The following PLEKHO1 variants were observed in gnomAD, a reference collection of about 807,000 sequenced individuals.
PLEKHO1 encodes the protein pleckstrin homology domain-containing family O member 1.
A neutral mutation model predicts 41.4 loss-of-function variants in PLEKHO1; 22 were observed. The ratio of observed to expected loss-of-function variants is 0.53; its 90% CI spans 0.38 to 0.76. The LOEUF (loss-of-function observed/expected upper bound fraction) is 0.76, where lower values mean the gene tolerates loss of function less well. PLEKHO1 is among the 30% of genes least tolerant of loss of function. The pLI, the probability that PLEKHO1 is intolerant of heterozygous loss-of-function variation, is 0.00. For synonymous variants in PLEKHO1, 225 were observed against 210.8 expected (o/e 1.07, Z -0.58); for missense variants, 488 against 518.3 (o/e 0.94, Z 0.57).
intron 2 of PLEKHO1, chr1:150,153,368 T>G (rs1292528670): frequency 6.6e-6 from 1 of 152,118 alleles, no homozygotes; most frequent in Non-Finnish European, 1.5e-5. Flanking sequence ...TTTTTATTTT[T>G]TGTAGACATG....
At chr1:150,154,526 A>C (rs1248633327) in intron 2 of PLEKHO1, 3 of 152,316 alleles carry the variant, frequency 2.0e-5, no homozygotes, top group African/African-American at 7.2e-5. Context: ...GTTCAGAAGG[A>C]TGGGCAGATA....
In PLEKHO1 at chr1:150,156,190, A is replaced by T. The variant is rs782477829; in HGVS notation, c.302A>T (p.Lys101Ile). 1 of 1,613,674 alleles carries T rather than the reference A, an allele frequency of 6.2e-7. No individual in the cohort carries two copies. Among genetic ancestry groups the T allele is most frequent in the Admixed American group, 1.7e-5 (1 of 59,980 alleles). Residue 101 changes from lysine (K) to isoleucine (I), a missense_variant, in exon 3 of 6, where the codon AAA (lysine) becomes ATA (isoleucine). Lys to Ile is a moderately radical substitution (Grantham distance 102). This residue lies in a region of PLEKHO1 where 59 missense variants were observed against 111.5 expected (regional missense o/e 0.53). Coordinates refer to ENST00000369124, the MANE Select transcript of PLEKHO1 (RefSeq NM_016274.6). ...AGCAAGTTTACTCTTGCCCACTCCA[A>T]ACAGCCCGGTAACACGGTATGTTTC... is the stretch of plus-strand genomic sequence containing the variant. ...NHSKFTLAHS[K>I]QPGNTAPNLI...
Position 150,153,272 on chromosome 1 carries a change from T to C in PLEKHO1, c.177+2214T>C, listed in dbSNP as rs587595735. On this transcript the variant is annotated intron_variant, in intron 2 of 5. Transcript: ENST00000369124. ...TCACAATCGTAGCTCACTGCTGCCT[T>C]GACCTCCCGGGCTTAAGCAATCCTC... Among the ~76,000 whole-genome samples, 9 of 152,260 alleles carry C rather than the reference T, an allele frequency of 5.9e-5. No individual in the cohort carries two copies. The South Asian group carries it at 1.7e-3, about 28-fold the overall frequency.
chr1:150,159,186 C>A lies in PLEKHO1; in HGVS notation c.893C>A (p.Ala298Asp), dbSNP rs1037506027. 1.2e-6 allele frequency: 2 copies of A among 1,613,486 alleles called. No individual in the cohort carries two copies. The highest frequency in any genetic ancestry group is 1.7e-6 in the Non-Finnish European group (2 of 1,179,698). ...CGGGCTGAGGAACCCCCAACCCCTGCCCTCCCCAACCCGGGGCAGCTGTCC... is the reference window on the plus strand; with the variant it reads ...CGGGCTGAGGAACCCCCAACCCCTGACCTCCCCAACCCGGGGCAGCTGTCC... ...QLRAEEPPTPALPNPGQLSRI... is the reference protein window; with the variant it reads ...QLRAEEPPTPDLPNPGQLSRI... Residue 298 changes from alanine to aspartate, a missense_variant, in exon 6 of 6, where the codon GCC (alanine) becomes GAC (aspartate). Physicochemically the swap from Ala to Asp is moderately radical, Grantham distance 126 (BLOSUM62 -2). Coordinates refer to ENST00000369124, the MANE Select transcript of PLEKHO1 (RefSeq NM_016274.6).
chr1:150,157,966 A>G (rs1660246343), intron 5 of PLEKHO1, among the ~76,000 whole-genome samples: 1 of 152,198 alleles, frequency 6.6e-6, no homozygotes, highest in African/African-American at 2.4e-5. Context: ...CACTGTAATC[A>G]GCTACCTGTG....
intron 1 of PLEKHO1, 28 bp downstream of exon 1, chr1:150,150,315 G>GCCGCCGCCT: frequency 9.5e-7 from 1 of 1,052,042 alleles, no homozygotes; most frequent in Non-Finnish European, 1.2e-6. Flanking sequence ...CCCTGCGGCC[G>GCCGCCGCCT]CCGCCGCCTC....
intron 5 of PLEKHO1, 122 bp from the exon 6 acceptor site, chr1:150,158,697 A>T (rs903900566): frequency 3.7e-5 from 27 of 726,736 alleles, no homozygotes; most frequent in South Asian, 2.6e-4. Flanking sequence ...TCTAAAAAAA[A>T]GTACTTCTCA....
chr1:150,153,110 A>G (rs2101685388), intron 2 of PLEKHO1: 1 of 152,246 alleles, frequency 6.6e-6, no homozygotes, highest in Admixed American at 6.5e-5. Context: ...AAAAAGTGAA[A>G]TTGACAGAGT....
At chr1:150,153,218 C>A (rs1312161224) in intron 2 of PLEKHO1, among the ~76,000 whole-genome samples, 2 of 152,194 alleles carry the variant, frequency 1.3e-5, no homozygotes, top group Non-Finnish European at 2.9e-5. Context: ...GACAGGGTCT[C>A]ACTCTGTCGC....
chr1:150,157,013 G>A lies in PLEKHO1; in HGVS notation c.421G>A (p.Glu141Lys). 6.3e-7 allele frequency: 1 copy of A among 1,588,408 alleles called. No homozygotes were observed. The highest frequency in any genetic ancestry group is 8.6e-7 in the Non-Finnish European group (1 of 1,156,574). The change falls in exon 4 of 6, where the codon GAG (glutamate) becomes AAG (lysine). Residue 141 changes from glutamate (E) to lysine (K), a missense_variant and splice_region_variant. Physicochemically the swap from Glu to Lys is moderately conservative, Grantham distance 56 (BLOSUM62 1). Transcript: ENST00000369124. ...ITRAKNRILD[E>K]VTVEEDSYLA... The stretch of plus-strand genomic sequence containing the variant: ...CCGAGCCAAGAACCGTATCTTGGAT[G>A]AGGTCAGGGGGCTCACTGTGGGGAG...
chr1:150,155,775 G>C (rs1181735351), intron 2 of PLEKHO1: 8 of 297,378 alleles, frequency 2.7e-5, no homozygotes, highest in Non-Finnish European at 5.0e-5. Context: ...AAAAGAGTGG[G>C]GCGGTTGGTG....
chr1:150,158,993 G>T lies in PLEKHO1; in HGVS notation c.700G>T (p.Ala234Ser), dbSNP rs200546107. The change falls in exon 6 of 6, where the codon GCA (alanine) becomes TCA (serine). Residue 234 changes from alanine to serine, a missense_variant. Transcript: ENST00000369124. ...GGACTCAGACCGCATCCAGCCCTCCGCAGACCGGGCAAGCAGTCTCTCCCG... is the reference window on the plus strand; with the variant it reads ...GGACTCAGACCGCATCCAGCCCTCCTCAGACCGGGCAAGCAGTCTCTCCCG... The part of the protein sequence containing the change: ...RADSDRIQPS[A>S]DRASSLSRPW... The T allele has an allele frequency of 6.2e-7, 1 of 1,614,122 alleles. No homozygotes were observed. Among genetic ancestry groups the T allele is most frequent in the Non-Finnish European group, 8.5e-7 (1 of 1,179,996 alleles).
In PLEKHO1 at chr1:150,152,688, T is replaced by TAAAAAAAAAAAAAAAAAAA. The variant is rs1407877862; in HGVS notation, c.177+1636_177+1654dup. ...TCCACAATTTTCTGGCTTTCTAAATTAAAAAAAAAAAAAAAAAAAAAAAAC... is the reference window on the plus strand; with the variant it reads ...TCCACAATTTTCTGGCTTTCTAAATTAAAAAAAAAAAAAAAAAAAAAAAAAAAAAAAAAAAAAAAAAAAC... On this transcript the variant is annotated intron_variant, in intron 2 of 5. Coordinates refer to ENST00000369124, the MANE Select transcript of PLEKHO1 (RefSeq NM_016274.6). 6 of 74,026 alleles carry TAAAAAAAAAAAAAAAAAAA rather than the reference T, an allele frequency of 8.1e-5. 1 individual carries two copies. The highest frequency in any genetic ancestry group is 1.3e-4 in the Non-Finnish European group (5 of 39,408). 4.6% of individuals were successfully genotyped at this position (74,026 alleles called of 1,614,324 possible). A position where few individuals can be genotyped will look rare whatever the true frequency, so the allele number is the denominator to read the frequency against.
rs587697222 is a variant in PLEKHO1 at position 150,158,595 on chromosome 1, A to G, written c.526-224A>G. 3.9e-5 allele frequency among the ~76,000 whole-genome samples: 6 copies of G among 152,190 alleles called. No homozygotes were observed. The South Asian group carries it at 1.0e-3, about 26-fold the overall frequency. On this transcript the variant is annotated intron_variant, in intron 5 of 5. Coordinates refer to ENST00000369124, the MANE Select transcript of PLEKHO1 (RefSeq NM_016274.6). ...TCCCAGCTACTCGGGAGGCTGAGGC[A>G]GGAGAATGGCGTGAACCCGGGAGGC...
At position 150,158,904 on chromosome 1, in the gene PLEKHO1, C is replaced by T. The variant is rs1553821143; in HGVS notation, c.611C>T (p.Ala204Val). The part of the protein sequence containing the change: ...DPSPEEPTSC[A>V]ESFRVDLDKS... The stretch of plus-strand genomic sequence containing the variant: ...TCCCCTGAGGAACCAACCTCTTGTG[C>T]TGAGAGCTTTCGGGTTGACCTGGAC... The change falls in exon 6 of 6, where the codon GCT (alanine) becomes GTT (valine). Residue 204 changes from alanine to valine, a missense_variant. By Grantham distance (64) the Ala-to-Val change is moderately conservative (BLOSUM62 0). This residue lies in a region of PLEKHO1 where 337 missense variants were observed against 324.6 expected (regional missense o/e 1.04). Transcript: ENST00000369124. The T allele has an allele frequency of 6.2e-7, 1 of 1,614,194 alleles. No homozygotes were observed. The highest frequency in any genetic ancestry group is 1.1e-5 in the South Asian group (1 of 91,080).
At chr1:150,156,721 C>T (rs1660186215) in intron 3 of PLEKHO1, among the ~76,000 whole-genome samples, 190 bp from the exon 4 acceptor site, 1 of 152,150 alleles carries the variant, frequency 6.6e-6, no homozygotes, top group African/African-American at 2.4e-5. Flanking sequence ...TCTAAAACAA[C>T]CTCCTAGCTA....
Position 150,159,762 on chromosome 1 carries a change from A to G in PLEKHO1, c.*239A>G. On this transcript the variant is annotated 3_prime_UTR_variant, in exon 6 of 6. Transcript: ENST00000369124. ...AGTAGCAGGAAGTTTTTACCCAGCC[A>G]GAGAGAGAGAAGGCACGGTAAAGAC... The G allele has an allele frequency of 2.4e-6, 1 of 419,118 alleles. No homozygotes were observed. The highest frequency in any genetic ancestry group is 3.7e-5 in the East Asian group (1 of 27,174). The allele number at this position is 419,118 out of a possible 1,614,324, so 26.0% of individuals were successfully genotyped here.
chr1:150,155,107 C>T (rs954105931), intron 2 of PLEKHO1: 1 of 152,370 alleles, frequency 6.6e-6, no homozygotes, highest in East Asian at 1.9e-4. Flanking sequence ...ATGAGACGTT[C>T]AGCAGGAGTG....
At position 150,160,055 on chromosome 1, in the gene PLEKHO1, C is replaced by T. The variant is rs1397699331; in HGVS notation, c.*532C>T. 1 of 152,568 alleles carries T rather than the reference C, an allele frequency of 6.6e-6. No homozygotes were observed. Among genetic ancestry groups the T allele is most frequent in the African/African-American group, 2.4e-5 (1 of 41,446 alleles). 9.5% of individuals were successfully genotyped at this position (152,568 alleles called of 1,614,324 possible). A position where few individuals can be genotyped will look rare whatever the true frequency, so the allele number is the denominator to read the frequency against. On this transcript the variant is annotated 3_prime_UTR_variant, in exon 6 of 6. Coordinates refer to ENST00000369124, the MANE Select transcript of PLEKHO1 (RefSeq NM_016274.6). ...AGGAGGATTTGTGGAATTAAAATCTCCCCAGCCAGACACTGGCTTCTCATT... is the reference window on the plus strand; with the variant it reads ...AGGAGGATTTGTGGAATTAAAATCTTCCCAGCCAGACACTGGCTTCTCATT...
Sources: allele counts gnomAD v4.1 joint callset (sites outside exome capture counted in the v4.1 genomes callset), GRCh38; gene constraint gnomAD v4.1.1; regional missense constraint gnomAD v4.1.1; transcripts MANE v1.5; gene names NCBI Gene and HGNC (gene_info 2026-07-23, HGNC 2026-07-21).